Variants in RACK1 observed in about 807,000 individuals in gnomAD.
RACK1 encodes the protein small ribosomal subunit protein RACK1.
RACK1 carries 3 observed loss-of-function variants against 42.2 expected under a neutral mutation model. The ratio of observed to expected loss-of-function variants is 0.07; its 90% CI spans 0.03 to 0.18. The LOEUF is 0.18. Among genes scored for constraint, RACK1 ranks in the 10% least tolerant of loss-of-function variants. RACK1 has a pLI of 1.00. For synonymous variants in RACK1, 181 were observed against 154.8 expected (o/e 1.17, Z -1.25); for missense variants, 146 against 403.2 (o/e 0.36, Z 5.46).
intron 3 of RACK1, chr5:181,241,221 G>A (rs962113679): frequency 3.3e-6 from 1 of 306,608 alleles, no homozygotes. Flanking sequence ...CTGAGCCCAG[G>A]AGTTTGAGAC....
intron 1 of RACK1, chr5:181,242,855 A>C (rs1759402744): frequency 3.0e-6 from 1 of 330,636 alleles, no homozygotes; most frequent in Admixed American, 4.6e-5. Context: ...CACCGCGCCC[A>C]GCCTGTATCC....
In RACK1 at chr5:181,239,127, T is replaced by C; in HGVS notation, c.576A>G (p.Thr192=). The C allele has an allele frequency of 6.2e-7, 1 of 1,614,018 alleles. No individual in the cohort carries two copies. Among genetic ancestry groups the C allele is most frequent in the Non-Finnish European group, 8.5e-7 (1 of 1,179,934 alleles). The change falls in exon 5 of 8, where the codon ACA becomes ACG. Residue 192 remains threonine, a synonymous_variant. Coordinates refer to ENST00000512805, the MANE Select transcript of RACK1 (RefSeq NM_006098.5). ...CKLKTNHIGH[T]GYLNTVTVSP... ...AGACAGTCACCGTGTTCAGATAGCC[T>C]GTGTGGCCAATGTGGTTGGTCTTCA...
chr5:181,238,123 G>A lies in RACK1; in HGVS notation c.753C>T (p.Ala251=), dbSNP rs11540200. The stretch of plus-strand genomic sequence containing the variant: ...CCCAGATCTTGATGCTGGGGCCTGT[G>A]GCAGCACACAGCCAGTAGCGGTTAG... ...FSPNRYWLCA[A]TGPSIKIWDL... Residue 251 remains alanine (A), a synonymous_variant, in exon 6 of 8, where the codon GCC becomes GCT. Coordinates refer to ENST00000512805, the MANE Select transcript of RACK1 (RefSeq NM_006098.5). 3.9e-3 allele frequency: 6,321 copies of A among 1,614,126 alleles called. 211 individuals are homozygous for A. The African/African-American group carries it at 0.073, about 19-fold the overall frequency.
At chr5:181,242,473 AAAC>A in intron 1 of RACK1, 128 bp from the exon 2 acceptor site, 1 of 685,606 alleles carries the variant, frequency 1.5e-6, no homozygotes, top group Non-Finnish European at 2.6e-6. Flanking sequence ...GGAGGGATGG[AAAC>A]AACAGACAAG....
chr5:181,239,274 C>T (rs534758591), intron 4 of RACK1, 97 bp from the exon 5 acceptor site: 5 of 849,370 alleles, frequency 5.9e-6, no homozygotes, highest in African/African-American at 5.0e-5. Context: ...GATACGGTAG[C>T]CATTTCTCAT....
In RACK1 at chr5:181,236,969, A is replaced by G; in HGVS notation, c.*8T>C. The G allele has an allele frequency of 3.1e-6, 5 of 1,597,828 alleles. No homozygotes were observed. The highest frequency in any genetic ancestry group is 4.3e-6 in the Non-Finnish European group (5 of 1,175,150). On this transcript the variant is annotated 3_prime_UTR_variant, in exon 8 of 8. Coordinates refer to ENST00000512805, the MANE Select transcript of RACK1 (RefSeq NM_006098.5). The stretch of plus-strand genomic sequence containing the variant: ...TTTTTTTTATTTGTAAAGCTCTGCC[A>G]TAAACTTCTAGCGTGTGCCAATGGT...
chr5:181,237,464 CGAG>C (rs1759183876), intron 7 of RACK1, 142 bp downstream of exon 7: 1 of 671,828 alleles, frequency 1.5e-6, no homozygotes, highest in African/African-American at 1.8e-5. Context: ...GCATGGCAAA[CGAG>C]GGCATCCTCA....
At chr5:181,237,162 T>C (rs1049060636) in intron 7 of RACK1, 120 bp from the exon 8 acceptor site, 4 of 1,537,368 alleles carry the variant, frequency 2.6e-6, no homozygotes, top group African/African-American at 1.4e-5. Flanking sequence ...TAGGCTGGAG[T>C]GCAGGGGTGC....
intron 5 of RACK1, chr5:181,238,536 G>A (rs192143180): frequency 5.3e-4 from 194 of 366,750 alleles, no homozygotes; most frequent in African/African-American, 3.6e-3. Flanking sequence ...TGGGTGCGGT[G>A]GCTCATGCCT....
chr5:181,242,156 A>G lies in RACK1; in HGVS notation c.281+18T>C, dbSNP rs1759371185. 6.2e-7 allele frequency: 1 copy of G among 1,604,680 alleles called. No individual in the cohort carries two copies. Among genetic ancestry groups the G allele is most frequent in the Non-Finnish European group, 8.5e-7 (1 of 1,174,866 alleles). On this transcript the variant is annotated intron_variant, in intron 2 of 7. Coordinates refer to ENST00000512805, the MANE Select transcript of RACK1 (RefSeq NM_006098.5). Reference sequence around the variant, plus strand: ...AGATTCTTCCCAAGGCCCCAGAGCTAAGTGAGCAGCTACTTGCGTTGTGAG... The same window carrying G: ...AGATTCTTCCCAAGGCCCCAGAGCTGAGTGAGCAGCTACTTGCGTTGTGAG...
rs1411996635 is a variant in RACK1, at chr5:181,238,815, AC to A, written c.636+251del. The A allele has an allele frequency of 3.3e-4, 151 of 459,764 alleles. 1 individual carries two copies. The African/African-American group carries it at 3.5e-3, about 11-fold the overall frequency. 28.5% of individuals were successfully genotyped at this position (459,764 alleles called of 1,614,324 possible). On this transcript the variant is annotated intron_variant, in intron 5 of 7. Transcript: ENST00000512805. The stretch of plus-strand genomic sequence containing the variant: ...CTCCGTCTCAAAAAAAAAACAAAAA[AC>A]AAACAAACAAAAAAACAACAAAAAA...
chr5:181,243,516 G>A (rs1201874017), intron 1 of RACK1, 176 bp downstream of exon 1: 2 of 1,413,740 alleles, frequency 1.4e-6, no homozygotes, highest in South Asian at 1.4e-5. Flanking sequence ...GTTCGCCCGG[G>A]TTGAGGCCTA....
chr5:181,237,449 C>A, intron 7 of RACK1, 160 bp downstream of exon 7: 1 of 669,950 alleles, frequency 1.5e-6, no homozygotes, highest in Non-Finnish European at 2.7e-6. Context: ...GAAACACATT[C>A]ACTGGCATGG....
intron 6 of RACK1, 83 bp downstream of exon 6, chr5:181,238,016 G>A: frequency 1.1e-5 from 16 of 1,456,652 alleles, no homozygotes; most frequent in African/African-American, 1.4e-5. Context: ...CCAGGTGGGA[G>A]TCAGATGGCA....
chr5:181,237,282 AT>A, intron 7 of RACK1: 1 of 764,208 alleles, frequency 1.3e-6, no homozygotes, highest in Non-Finnish European at 2.3e-6. Context: ...AACCGCTCTC[AT>A]TTCAACAGCC....
In RACK1 at chr5:181,242,277, G is replaced by C. The variant is rs534105679; in HGVS notation, c.178C>G (p.Arg60Gly). The C allele has an allele frequency of 6.2e-7, 1 of 1,613,560 alleles. No homozygotes were observed. The highest frequency in any genetic ancestry group is 1.1e-5 in the South Asian group (1 of 91,072). The change falls in exon 2 of 8, where the codon CGG (arginine) becomes GGG (glycine). Residue 60 changes from arginine (R) to glycine (G), a missense_variant. Arg to Gly is a moderately radical substitution (Grantham distance 125, BLOSUM62 -2). Transcript: ENST00000512805. ...TCACTAACAAAGTGGGAGTGACCCC[G>C]CAGAGCACGCTGTGGAATTCCATAG... ...TNYGIPQRAL[R>G]GHSHFVSDVV...
chr5:181,237,251 A>G, intron 7 of RACK1: 1 of 928,986 alleles, frequency 1.1e-6, no homozygotes, highest in Non-Finnish European at 1.7e-6. Context: ...CATGTGCCAC[A>G]ACGCCGGGTA....
At chr5:181,242,376 T>C (rs775993596) in intron 1 of RACK1, 31 bp from the exon 2 acceptor site, 1 of 1,511,360 alleles carries the variant, frequency 6.6e-7, no homozygotes, top group Non-Finnish European at 9.1e-7. Flanking sequence ...GAAAAATCAG[T>C]GAGGAACCCG....
Position 181,236,941 on chromosome 5 carries a change from G to GTTTTTTTTT in RACK1, c.*27_*35dup. The stretch of plus-strand genomic sequence containing the variant: ...AAAAACCTAAAAGTCAGAAAAGCCA[G>GTTTTTTTTT]TTTTTTTTTTATTTGTAAAGCTCTG... On this transcript the variant is annotated 3_prime_UTR_variant, in exon 8 of 8. Transcript: ENST00000512805. 1 of 1,371,372 alleles carries GTTTTTTTTT rather than the reference G, an allele frequency of 7.3e-7. No individual in the cohort carries two copies. The highest frequency in any genetic ancestry group is 9.9e-7 in the Non-Finnish European group (1 of 1,010,372). The allele number at this position is 1,371,372 out of a possible 1,614,324, so 85.0% of individuals were successfully genotyped here. A position where few individuals can be genotyped will look rare whatever the true frequency, so the allele number is the denominator to read the frequency against.
Sources: gnomAD v4.1 joint callset for allele counts on GRCh38, gnomAD v4.1.1 for gene constraint, MANE v1.5 for transcripts, NCBI Gene and HGNC (gene_info 2026-07-23, HGNC 2026-07-21) for gene names.